ESCO1: variants seen among roughly 807,000 people sequenced by gnomAD.
The protein encoded by ESCO1 is N-acetyltransferase ESCO1.
A neutral mutation model predicts 83.5 loss-of-function variants in ESCO1; 33 were observed. The observed-to-expected ratio is 0.40, with a 90% confidence interval of 0.30 to 0.53. ESCO1 has a LOEUF of 0.53. Among genes scored for constraint, ESCO1 ranks in the 20% least tolerant of loss-of-function variants. ESCO1 has a pLI of 0.63. For missense variants in ESCO1, 855 were observed against 968.0 expected (o/e 0.88, Z 1.55); for synonymous variants, 332 against 324.3 (o/e 1.02, Z -0.25).
chr18:21,595,972 A>C (rs1198042882), intron 1 of ESCO1, among the ~76,000 whole-genome samples: 2 of 151,600 alleles, frequency 1.3e-5, no homozygotes, highest in Non-Finnish European at 2.9e-5. Flanking sequence ...TCAAAAAATA[A>C]ATAAATAAAT....
intron 8 of ESCO1, among the ~76,000 whole-genome samples, chr18:21,544,290 G>A (rs1019384017): frequency 1.3e-5 from 2 of 150,290 alleles, no homozygotes; most frequent in Non-Finnish European, 3.0e-5. Flanking sequence ...AACAAAAAAG[G>A]AGTAATCTTC....
In ESCO1 at chr18:21,591,714, C is replaced by CA. The variant is rs1174142490; in HGVS notation, c.-824-7275dup. Among the ~76,000 whole-genome samples the CA allele has an allele frequency of 6.0e-5, 9 of 149,186 alleles. No individual in the cohort carries two copies. The East Asian group carries it at 1.8e-3, about 29-fold the overall frequency. ...ATTGATCATTCTTGGGTGTTTCTCA[C>CA]AGAGGGGGATTTGGCAGGGTCATAG... On this transcript the variant is annotated intron_variant, in intron 1 of 11. Coordinates refer to ENST00000269214, the MANE Select transcript of ESCO1 (RefSeq NM_052911.3).
chr18:21,583,732 G>A (rs961558944), intron 2 of ESCO1, among the ~76,000 whole-genome samples: 2 of 152,154 alleles, frequency 1.3e-5, no homozygotes, highest in African/African-American at 4.8e-5. Flanking sequence ...GATGAAGAGT[G>A]GAGAGAGGGA....
intron 8 of ESCO1, among the ~76,000 whole-genome samples, chr18:21,540,213 T>C (rs1598978577): frequency 6.6e-6 from 1 of 152,188 alleles, no homozygotes; most frequent in Admixed American, 6.6e-5. Flanking sequence ...GGCAAGCTAA[T>C]TTCTCTCTAC....
intron 9 of ESCO1, among the ~76,000 whole-genome samples, chr18:21,538,231 C>T (rs994986206): frequency 9.3e-5 from 14 of 150,536 alleles, no homozygotes; most frequent in African/African-American, 3.4e-4. Context: ...GCAGGAGGAT[C>T]CCTTGAGACC....
chr18:21,566,277 A>T, intron 5 of ESCO1, 71 bp from the exon 6 acceptor site: 2 of 1,394,852 alleles, frequency 1.4e-6, no homozygotes, highest in South Asian at 1.3e-5. Flanking sequence ...GGATAAAATC[A>T]TTATACATAA....
chr18:21,573,105 G>GA (rs2038362209), intron 4 of ESCO1, among the ~76,000 whole-genome samples: 1 of 151,916 alleles, frequency 6.6e-6, no homozygotes, highest in South Asian at 2.1e-4. Flanking sequence ...TAAAAATGAG[G>GA]AAACAATGAG....
chr18:21,572,772 C>G (rs2038357475), intron 4 of ESCO1, among the ~76,000 whole-genome samples: 2 of 151,956 alleles, frequency 1.3e-5, no homozygotes, highest in South Asian at 2.1e-4. Flanking sequence ...CGAGACCAGC[C>G]TGATCAACAT....
chr18:21,532,798 G>A (rs2037784364), intron 10 of ESCO1, 138 bp from the exon 11 acceptor site: 1 of 723,834 alleles, frequency 1.4e-6, no homozygotes, highest in Non-Finnish European at 2.2e-6. Flanking sequence ...CTCATTTTTA[G>A]GAAACAGACA....
chr18:21,539,605 A>G (rs1385390175), intron 9 of ESCO1, among the ~76,000 whole-genome samples: 3 of 152,162 alleles, frequency 2.0e-5, no homozygotes, highest in Non-Finnish European at 4.4e-5. Context: ...TAATCCCAGC[A>G]CTCTGGGAGG....
At chr18:21,532,395 A>T in intron 11 of ESCO1, 78 bp downstream of exon 11, 2 of 1,440,738 alleles carry the variant, frequency 1.4e-6, no homozygotes, top group Non-Finnish European at 1.9e-6. Flanking sequence ...CATGTTAATT[A>T]AATGCCAATC....
intron 1 of ESCO1, among the ~76,000 whole-genome samples, chr18:21,590,543 C>A: frequency 6.6e-6 from 1 of 152,122 alleles, no homozygotes; most frequent in Non-Finnish European, 1.5e-5. Flanking sequence ...CTATGAAAAG[C>A]AGCTTCCTAT....
intron 4 of ESCO1, among the ~76,000 whole-genome samples, chr18:21,568,654 G>A (rs528910928): frequency 2.0e-5 from 3 of 152,188 alleles, no homozygotes; most frequent in Non-Finnish European, 4.4e-5. Context: ...TGTAATCCCA[G>A]CACTTTGGGA....
At chr18:21,563,673 T>C (rs1260131269) in intron 7 of ESCO1, among the ~76,000 whole-genome samples, 1 of 152,216 alleles carries the variant, frequency 6.6e-6, no homozygotes, top group Non-Finnish European at 1.5e-5. Flanking sequence ...TACTAAAATT[T>C]ATTATGACAA....
rs748363890 is a variant in ESCO1 at position 21,573,833 on chromosome 18, T to C, written c.1011A>G (p.Thr337=). 3 of 1,613,892 alleles carry C rather than the reference T, an allele frequency of 1.9e-6. No individual in the cohort carries two copies. The highest frequency in any genetic ancestry group is 2.7e-5 in the African/African-American group (2 of 74,892). Residue 337 remains threonine, a synonymous_variant, in exon 4 of 12, where the codon ACA becomes ACG. Coordinates refer to ENST00000269214, the MANE Select transcript of ESCO1 (RefSeq NM_052911.3). The part of the protein sequence containing the change: ...QMESVKEEKP[T]EIKLEETSVE... ...CACTGGTCTCTTCCAATTTTATTTC[T>C]GTGGGCTTTTCTTCCTTTACACTTT...
intron 1 of ESCO1, among the ~76,000 whole-genome samples, chr18:21,586,270 G>A (rs988126054): frequency 1.3e-5 from 2 of 152,112 alleles, no homozygotes; most frequent in Non-Finnish European, 2.9e-5. Context: ...ACATAAGAAC[G>A]AGAATATGCA....
intron 7 of ESCO1, 90 bp from the exon 8 acceptor site, chr18:21,561,080 T>A (rs1488296155): frequency 1.6e-6 from 2 of 1,285,908 alleles, no homozygotes; most frequent in African/African-American, 1.5e-5. Flanking sequence ...GAGCATAAAG[T>A]AAGAATTGTT....
chr18:21,535,065 C>T (rs1261883719), intron 10 of ESCO1, among the ~76,000 whole-genome samples: 1 of 152,076 alleles, frequency 6.6e-6, no homozygotes, highest in African/African-American at 2.4e-5. Flanking sequence ...TGGTGGGCGA[C>T]AATAAAATTT....
intron 8 of ESCO1, among the ~76,000 whole-genome samples, chr18:21,550,539 C>G (rs1381323242): frequency 6.6e-6 from 1 of 152,126 alleles, no homozygotes; most frequent in Non-Finnish European, 1.5e-5. Flanking sequence ...CAACAATATC[C>G]CAGTATGTAA....
Sources: allele counts gnomAD v4.1 joint callset (sites outside exome capture counted in the v4.1 genomes callset), GRCh38; gene constraint gnomAD v4.1.1; transcripts MANE v1.5; gene names NCBI Gene and HGNC (gene_info 2026-07-23, HGNC 2026-07-21).